The following SETBP1 variants were observed in gnomAD, a reference collection of about 807,000 sequenced individuals.
SETBP1 encodes the protein SET-binding protein.
SETBP1 carries 9 observed loss-of-function variants against 101.0 expected under a neutral mutation model. The observed-to-expected ratio is 0.09, with a 90% CI of 0.05 to 0.16. SETBP1 has a LOEUF of 0.16. Ranked by LOEUF, SETBP1 falls within the 10% of genes least tolerant of loss-of-function variation. The pLI, the probability that SETBP1 is intolerant of heterozygous loss-of-function variation, is 1.00. For missense variants in SETBP1, 1,858 were observed against 2,033.8 expected, an observed-to-expected ratio of 0.91 and a Z score of 1.66; for synonymous variants, 818 against 788.5, an observed-to-expected ratio of 1.04 and a Z score of -0.63.
chr18:45,036,112 T>C (rs1424351864), intron 4 of SETBP1, among the ~76,000 whole-genome samples: 1 of 152,072 alleles, frequency 6.6e-6, no homozygotes, highest in Non-Finnish European at 1.5e-5. Flanking sequence ...GGTGGGCAGA[T>C]CACAATGTCA....
chr18:45,005,245 A>G (rs1216442169), intron 4 of SETBP1, among the ~76,000 whole-genome samples: 1 of 152,218 alleles, frequency 6.6e-6, no homozygotes, highest in Non-Finnish European at 1.5e-5. Context: ...TCCCAAATTA[A>G]GGTGCTTTTC....
At chr18:44,803,780 A>G (rs2071663179) in intron 2 of SETBP1, among the ~76,000 whole-genome samples, 1 of 152,042 alleles carries the variant, frequency 6.6e-6, no homozygotes, top group Non-Finnish European at 1.5e-5. Context: ...CTTTCACTTT[A>G]TCCACCTCTA....
intron 5 of SETBP1, among the ~76,000 whole-genome samples, chr18:45,044,024 G>A (rs1272442741): frequency 6.6e-6 from 1 of 152,174 alleles, no homozygotes; most frequent in Non-Finnish European, 1.5e-5. Context: ...TAAGAATGAT[G>A]CAATTATTTA....
intron 3 of SETBP1, chr18:44,872,231 TTTCCCTCTAA>T (rs1410083335): frequency 2.0e-5 from 3 of 152,210 alleles, no homozygotes; most frequent in Non-Finnish European, 4.4e-5. Flanking sequence ...TTTATGCTTT[TTTCCCTCTAA>T]TATAAAAGTT....
At chr18:44,932,178 T>C (rs1449223505) in intron 3 of SETBP1, among the ~76,000 whole-genome samples, 2 of 152,232 alleles carry the variant, frequency 1.3e-5, no homozygotes, top group Non-Finnish European at 2.9e-5. Flanking sequence ...TAAAGGATTT[T>C]ATTTCTCCTT....
chr18:44,707,684 T>C (rs760032577), intron 2 of SETBP1, among the ~76,000 whole-genome samples: 3 of 152,126 alleles, frequency 2.0e-5, no homozygotes, highest in Non-Finnish European at 2.9e-5. Context: ...ACACACAAAG[T>C]ATGGATAGGA....
intron 4 of SETBP1, among the ~76,000 whole-genome samples, chr18:44,958,708 G>C (rs1464492876): frequency 6.6e-6 from 1 of 152,144 alleles, no homozygotes; most frequent in Non-Finnish European, 1.5e-5. Context: ...AGTCATGGGA[G>C]AGATGTTAAG....
chr18:44,752,113 A>G (rs2070393870), intron 2 of SETBP1, among the ~76,000 whole-genome samples: 1 of 152,154 alleles, frequency 6.6e-6, no homozygotes, highest in South Asian at 2.1e-4. Flanking sequence ...AGGATACAAC[A>G]TTTAAATACA....
At chr18:44,869,701 A>C (rs2069229381) in intron 3 of SETBP1, 1 of 298,636 alleles carries the variant, frequency 3.3e-6, no homozygotes, top group African/African-American at 2.2e-5. Flanking sequence ...AAGGCCTGAT[A>C]GCCAAGTTAA....
intron 2 of SETBP1, among the ~76,000 whole-genome samples, chr18:44,748,886 C>T (rs186314658): frequency 1.8e-4 from 27 of 152,242 alleles, no homozygotes; most frequent in Non-Finnish European, 3.5e-4. Context: ...CAAGTTGACT[C>T]GCAGACAGGT....
chr18:44,766,754 G>C (rs1020701303), intron 2 of SETBP1, among the ~76,000 whole-genome samples: 3 of 152,080 alleles, frequency 2.0e-5, no homozygotes, highest in African/African-American at 7.2e-5. Flanking sequence ...AGGAGGATTA[G>C]TTGAGCTCAA....
At chr18:44,745,388 A>G (rs1454865300) in intron 2 of SETBP1, among the ~76,000 whole-genome samples, 1 of 152,168 alleles carries the variant, frequency 6.6e-6, no homozygotes, top group Non-Finnish European at 1.5e-5. Flanking sequence ...GCTGATGACC[A>G]AGATCGCAGC....
chr18:44,898,268 G>A lies in SETBP1; in HGVS notation c.540+28985G>A, dbSNP rs557548442. ...TGAGTTACACTATTAAGCACCAATGGGTTTCCTGGAAGTAATATATTTATA... is the reference window on the plus strand; with the variant it reads ...TGAGTTACACTATTAAGCACCAATGAGTTTCCTGGAAGTAATATATTTATA... On this transcript the variant is annotated intron_variant, in intron 3 of 5. Transcript: ENST00000649279. Among the ~76,000 whole-genome samples the A allele has an allele frequency of 3.9e-5, 6 of 152,176 alleles. No homozygotes were observed. In the East Asian group the frequency reaches 1.2e-3, roughly 29 times the overall value.
intron 4 of SETBP1, among the ~76,000 whole-genome samples, chr18:44,960,797 T>G (rs1018635545): frequency 6.6e-6 from 1 of 152,220 alleles, no homozygotes; most frequent in Non-Finnish European, 1.5e-5. Context: ...CTTACTTGTT[T>G]AGGTTGTACC....
chr18:45,018,016 C>A (rs1162577629), intron 4 of SETBP1, among the ~76,000 whole-genome samples: 1 of 152,198 alleles, frequency 6.6e-6, no homozygotes, highest in East Asian at 1.9e-4. Context: ...CTGGGAGCCT[C>A]AGTTTCCTCA....
chr18:44,842,600 T>G (rs1308542375), intron 2 of SETBP1, among the ~76,000 whole-genome samples: 1 of 152,126 alleles, frequency 6.6e-6, no homozygotes, highest in Non-Finnish European at 1.5e-5. Context: ...GTGAGCCAAC[T>G]GGTTTTGGTT....
At position 44,950,212 on chromosome 18, in the gene SETBP1, C is replaced by A. The variant is rs1447661395; in HGVS notation, c.872C>A (p.Pro291Gln). ...NKDLLLGGVAPSPSSHSSPAP... is the reference protein window; with the variant it reads ...NKDLLLGGVAQSPSSHSSPAP... ...GATCTGCTCTTGGGAGGTGTGGCTCCATCCCCAAGCAGCCACAGCTCACCA... is the reference window on the plus strand; with the variant it reads ...GATCTGCTCTTGGGAGGTGTGGCTCAATCCCCAAGCAGCCACAGCTCACCA... Residue 291 changes from proline to glutamine, a missense_variant, in exon 4 of 6, where the codon CCA (proline) becomes CAA (glutamine). This residue lies in a region of SETBP1 where 581 missense variants were observed against 535.1 expected (regional missense o/e 1.09). Coordinates refer to ENST00000649279, the MANE Select transcript of SETBP1 (RefSeq NM_015559.3). The A allele has an allele frequency of 6.2e-7, 1 of 1,613,784 alleles. No individual in the cohort carries two copies. Among genetic ancestry groups the A allele is most frequent in the Non-Finnish European group, 8.5e-7 (1 of 1,180,036 alleles).
intron 2 of SETBP1, among the ~76,000 whole-genome samples, chr18:44,756,172 G>A (rs929198080): frequency 1.3e-5 from 2 of 151,346 alleles, no homozygotes; most frequent in African/African-American, 4.9e-5. Flanking sequence ...AGCTGAAATC[G>A]TGCCACCGTA....
intron 3 of SETBP1, among the ~76,000 whole-genome samples, chr18:44,891,704 C>T (rs2069774086): frequency 6.6e-6 from 1 of 152,008 alleles, no homozygotes; most frequent in Non-Finnish European, 1.5e-5. Flanking sequence ...TTCAGATTTC[C>T]TGGGTTATTG....
Sources: gnomAD v4.1 joint callset for allele counts (sites outside exome capture counted in the v4.1 genomes callset) on GRCh38, gnomAD v4.1.1 for gene constraint, gnomAD v4.1.1 regional missense constraint, MANE v1.5 for transcripts, NCBI Gene and HGNC (gene_info 2026-07-23, HGNC 2026-07-21) for gene names.